RUNDC3B: variants seen among roughly 807,000 people sequenced by gnomAD.
RUNDC3B encodes RUN domain containing 3B.
Under a neutral mutation model 58.4 loss-of-function variants are expected in RUNDC3B, and 33 were observed. That is an observed-to-expected ratio of 0.56 (90% CI 0.43 to 0.75). The LOEUF (loss-of-function observed/expected upper bound fraction) is 0.75. RUNDC3B is among the 30% of genes least tolerant of loss of function. The pLI, the probability that RUNDC3B is intolerant of heterozygous loss-of-function variation, is 0.00. For synonymous variants in RUNDC3B, 193 were observed against 195.2 expected (o/e 0.99, Z 0.10); for missense variants, 501 against 535.7 (o/e 0.94, Z 0.64).
intron 6 of RUNDC3B, among the ~76,000 whole-genome samples, chr7:87,767,415 A>G (rs1834030266): frequency 6.6e-6 from 1 of 152,160 alleles, no homozygotes; most frequent in Non-Finnish European, 1.5e-5. Context: ...CTTCATTTCT[A>G]GTTGCTTTCA....
intron 9 of RUNDC3B, among the ~76,000 whole-genome samples, chr7:87,813,838 G>A (rs1014724223): frequency 6.6e-6 from 1 of 151,868 alleles, no homozygotes; most frequent in Middle Eastern, 3.4e-3. Context: ...AAAAATAGCC[G>A]GGCGTGGTGG....
At chr7:87,768,911 C>CT (rs1010692492) in intron 6 of RUNDC3B, among the ~76,000 whole-genome samples, 81 of 145,016 alleles carry the variant, frequency 5.6e-4, no homozygotes, top group East Asian at 1.0e-3. Context: ...TGAATGAACT[C>CT]TTTTTTTTTT....
chr7:87,700,383 A>G, intron 2 of RUNDC3B, 38 bp from the exon 3 acceptor site: 1 of 1,520,508 alleles, frequency 6.6e-7, no homozygotes, highest in Non-Finnish European at 8.9e-7. Flanking sequence ...GTTTTATTTT[A>G]CTTTTTAAAA....
At chr7:87,647,672 A>G (rs113051381) in intron 1 of RUNDC3B, among the ~76,000 whole-genome samples, 1 of 152,198 alleles carries the variant, frequency 6.6e-6, no homozygotes. Flanking sequence ...TTGAATTACC[A>G]TTGTAATTCA....
intron 8 of RUNDC3B, 36 bp downstream of exon 8, chr7:87,777,991 T>C: frequency 6.4e-7 from 1 of 1,570,142 alleles, no homozygotes; most frequent in Non-Finnish European, 8.7e-7. Context: ...GTTGGTAGCA[T>C]GTAAACATTA....
At chr7:87,646,002 C>T (rs1374090183) in intron 1 of RUNDC3B, among the ~76,000 whole-genome samples, 1 of 152,070 alleles carries the variant, frequency 6.6e-6, no homozygotes, top group East Asian at 1.9e-4. Context: ...GCTTTCTCAC[C>T]CTTAAATGTC....
At chr7:87,653,286 C>T (rs941158763) in intron 2 of RUNDC3B, among the ~76,000 whole-genome samples, 2 of 152,036 alleles carry the variant, frequency 1.3e-5, no homozygotes, top group African/African-American at 2.4e-5. Context: ...CCCTACCACT[C>T]TAATAAAAGC....
At chr7:87,744,846 A>G (rs952843510) in intron 6 of RUNDC3B, among the ~76,000 whole-genome samples, 4 of 152,176 alleles carry the variant, frequency 2.6e-5, no homozygotes, top group Non-Finnish European at 4.4e-5. Context: ...GACTTCCAGT[A>G]CTATGTTGAA....
chr7:87,687,887 T>C (rs1369094704), intron 2 of RUNDC3B, among the ~76,000 whole-genome samples: 1 of 152,186 alleles, frequency 6.6e-6, no homozygotes, highest in African/African-American at 2.4e-5. Flanking sequence ...TTAGAAACAA[T>C]GGATAATCAT....
chr7:87,794,617 T>C (rs1481234419), intron 8 of RUNDC3B, among the ~76,000 whole-genome samples: 3 of 144,884 alleles, frequency 2.1e-5, no homozygotes, highest in African/African-American at 5.3e-5. Context: ...TGAGAGTCTT[T>C]ATAGAAACAA....
At chr7:87,756,295 T>G (rs1476773001) in intron 6 of RUNDC3B, among the ~76,000 whole-genome samples, 2 of 152,054 alleles carry the variant, frequency 1.3e-5, no homozygotes, top group Non-Finnish European at 2.9e-5. Context: ...CTTTAATCTT[T>G]CTTTATTCAT....
intron 6 of RUNDC3B, among the ~76,000 whole-genome samples, chr7:87,741,941 G>C (rs1043240398): frequency 2.0e-5 from 3 of 151,996 alleles, no homozygotes; most frequent in Admixed American, 2.0e-4. Context: ...CATAAAAAAG[G>C]ATAAATAACA....
intron 2 of RUNDC3B, among the ~76,000 whole-genome samples, chr7:87,652,489 T>G (rs1307022696): frequency 1.3e-5 from 2 of 151,906 alleles, no homozygotes; most frequent in Non-Finnish European, 1.5e-5. Flanking sequence ...AATCCCCAGT[T>G]GATTTATGGA....
At chr7:87,811,974 A>C (rs1227796318) in intron 9 of RUNDC3B, among the ~76,000 whole-genome samples, 3 of 152,212 alleles carry the variant, frequency 2.0e-5, no homozygotes, top group Non-Finnish European at 2.9e-5. Context: ...TACAACATAC[A>C]TATATTTGTT....
At chr7:87,663,352 CGTT>C (rs1160252908) in intron 2 of RUNDC3B, among the ~76,000 whole-genome samples, 2 of 152,018 alleles carry the variant, frequency 1.3e-5, no homozygotes, top group Non-Finnish European at 2.9e-5. Context: ...CTAACCATCT[CGTT>C]GTCCAGTTCA....
chr7:87,819,383 A>C (rs910504104), intron 10 of RUNDC3B, among the ~76,000 whole-genome samples: 5 of 152,172 alleles, frequency 3.3e-5, no homozygotes, highest in Non-Finnish European at 5.9e-5. Flanking sequence ...CCAGATTCAT[A>C]AAGCAAGTCC....
intron 1 of RUNDC3B, among the ~76,000 whole-genome samples, chr7:87,632,256 A>G (rs1367421482): frequency 1.3e-5 from 2 of 152,186 alleles, no homozygotes; most frequent in African/African-American, 2.4e-5. Flanking sequence ...ACAATTCTTT[A>G]TGTTTAAAGC....
At chr7:87,722,008 G>A (rs1455634148) in intron 4 of RUNDC3B, among the ~76,000 whole-genome samples, 7 of 151,522 alleles carry the variant, frequency 4.6e-5, no homozygotes, top group Admixed American at 4.6e-4. Flanking sequence ...TTAAATTCCG[G>A]AAACAAAATT....
intron 9 of RUNDC3B, among the ~76,000 whole-genome samples, chr7:87,808,766 C>T (rs9655954): frequency 0.092 from 14,015 of 151,962 alleles, 747 homozygotes; most frequent in African/African-American, 0.15. Context: ...GGTATATAAT[C>T]TTACCTTCCT....
Sources: gnomAD v4.1 joint callset for allele counts (sites outside exome capture counted in the v4.1 genomes callset) on GRCh38, gnomAD v4.1.1 for gene constraint, MANE v1.5 for transcripts, NCBI Gene and HGNC (gene_info 2026-07-23, HGNC 2026-07-21) for gene names.